Variants in PKIG observed in about 807,000 individuals in gnomAD.
The protein encoded by PKIG is protein kinase (cAMP-dependent, catalytic) inhibitor gamma.
In PKIG, 1 loss-of-function variant was observed where a neutral mutation model predicts 6.8. The ratio of observed to expected loss-of-function variants is 0.15; its 90% CI spans 0.05 to 0.69. The LOEUF (loss-of-function observed/expected upper bound fraction) is 0.69. Ranked by LOEUF, PKIG falls within the 30% of genes least tolerant of loss-of-function variation. The probability of loss-of-function intolerance (pLI) is 0.82; values close to 1 mark genes in which losing one functional copy is unlikely to be tolerated. For synonymous variants in PKIG, 39 were observed against 43.0 expected, an observed-to-expected ratio of 0.91 and a Z score of 0.36; for missense variants, 77 against 104.0, an observed-to-expected ratio of 0.74 and a Z score of 1.13.
At chr20:44,578,150 T>C (rs543683900), upstream of PKIG, among the ~76,000 whole-genome samples, 2 of 151,522 alleles carry the variant, frequency 1.3e-5, no homozygotes, top group East Asian at 2.0e-4. Context: ...ACCATCCTGG[T>C]TAACACGGTG....
chr20:44,595,265 T>G (rs1170275615), intron 2 of PKIG, among the ~76,000 whole-genome samples: 1 of 152,218 alleles, frequency 6.6e-6, no homozygotes, highest in African/African-American at 2.4e-5. Context: ...GTAGCTTCCC[T>G]CAAACTCTCA....
intron 1 of PKIG, among the ~76,000 whole-genome samples, chr20:44,562,751 A>C (rs1338026735): frequency 6.6e-6 from 1 of 152,194 alleles, no homozygotes; most frequent in Non-Finnish European, 1.5e-5. Context: ...TTTATTAGTA[A>C]TATAACTATT....
Position 44,618,153 on chromosome 20 carries a change from G to GTCCAGC in PKIG, c.152-123_152-118dup. 3 of 644,594 alleles carry GTCCAGC rather than the reference G, an allele frequency of 4.7e-6. 1 individual carries two copies. In the South Asian group the frequency reaches 5.1e-5, roughly 11 times the overall value. The allele number at this position is 644,594 out of a possible 1,614,324, so 39.9% of individuals were successfully genotyped here. On this transcript the variant is annotated intron_variant, in intron 3 of 3. Coordinates refer to ENST00000372886, the MANE Select transcript of PKIG (RefSeq NM_001281445.2). ...AAGTCCATAGGCCACCACCACCTCAGTCCAGCTCCAGCTCGTCTTGCTCCC... is the reference window on the plus strand; with the variant it reads ...AAGTCCATAGGCCACCACCACCTCAGTCCAGCTCCAGCTCCAGCTCGTCTTGCTCCC...
intron 1 of PKIG, among the ~76,000 whole-genome samples, chr20:44,540,756 A>G (rs1388667354): frequency 1.3e-5 from 2 of 151,768 alleles, no homozygotes; most frequent in Non-Finnish European, 2.9e-5. Context: ...TTTTAAAAAT[A>G]TTTTTAGTAG....
intron 2 of PKIG, among the ~76,000 whole-genome samples, chr20:44,605,186 A>C (rs1014866124): frequency 6.6e-6 from 1 of 152,044 alleles, no homozygotes; most frequent in African/African-American, 2.4e-5. Flanking sequence ...CGGGCGGATC[A>C]CGAGGCCAGG....
chr20:44,554,937 TTTTTC>T (rs1159025675), intron 1 of PKIG, among the ~76,000 whole-genome samples: 1 of 152,188 alleles, frequency 6.6e-6, no homozygotes, highest in Non-Finnish European at 1.5e-5. Context: ...AATGTGACAT[TTTTTC>T]TTTTCTGAGA....
chr20:44,594,571 A>G (rs762849151), intron 2 of PKIG, among the ~76,000 whole-genome samples: 35 of 152,226 alleles, frequency 2.3e-4, no homozygotes, highest in Non-Finnish European at 3.4e-4. Flanking sequence ...CAGAGATGTT[A>G]AGTGATTTGC....
At position 44,546,954 on chromosome 20, in the gene PKIG, C is replaced by G. The variant is rs1342682404; in HGVS notation, c.-241+14976C>G. On this transcript the variant is annotated intron_variant, in intron 1 of 4. Transcript: ENST00000372887. ...ATTTCTTTTTCCAAATCACATAGCACTTCAAACTTTTCTTTTTATAACATT... is the reference window on the plus strand; with the variant it reads ...ATTTCTTTTTCCAAATCACATAGCAGTTCAAACTTTTCTTTTTATAACATT... 3.3e-5 allele frequency among the ~76,000 whole-genome samples: 5 copies of G among 152,324 alleles called. No homozygotes were observed. In the South Asian group the frequency reaches 6.2e-4, roughly 19 times the overall value.
At chr20:44,551,028 T>C (rs1600844702) in intron 1 of PKIG, among the ~76,000 whole-genome samples, 1 of 152,164 alleles carries the variant, frequency 6.6e-6, no homozygotes, top group African/African-American at 2.4e-5. Context: ...TTATGGACAT[T>C]ATAATTCACT....
chr20:44,577,668 G>C (rs1426198517), upstream of PKIG, among the ~76,000 whole-genome samples: 1 of 152,108 alleles, frequency 6.6e-6, no homozygotes, highest in East Asian at 1.9e-4. Context: ...CCTTCTAACT[G>C]CATGGCACAG....
intron 2 of PKIG, among the ~76,000 whole-genome samples, chr20:44,609,069 C>G (rs2065191515): frequency 6.6e-6 from 1 of 152,092 alleles, no homozygotes; most frequent in South Asian, 2.1e-4. Context: ...GCTGTTGACT[C>G]TAAAGATGAG....
intron 1 of PKIG, among the ~76,000 whole-genome samples, chr20:44,542,133 C>G (rs12479763): frequency 0.027 from 4,055 of 152,206 alleles, 197 homozygotes; most frequent in Admixed American, 0.14. Context: ...TCTCTGTTAG[C>G]CAATCCTTAG....
At chr20:44,560,987 A>G (rs1190091608) in intron 1 of PKIG, among the ~76,000 whole-genome samples, 2 of 152,264 alleles carry the variant, frequency 1.3e-5, no homozygotes, top group African/African-American at 4.8e-5. Context: ...GGAATTTCAG[A>G]TGCAGAATGT....
chr20:44,607,943 G>A (rs1227583421), intron 2 of PKIG, among the ~76,000 whole-genome samples: 4 of 139,572 alleles, frequency 2.9e-5, no homozygotes, highest in South Asian at 2.6e-4. Flanking sequence ...ACCCCCCGCC[G>A]CCTCGGCCTC....
intron 1 of PKIG, among the ~76,000 whole-genome samples, chr20:44,548,956 C>T (rs970062290): frequency 1.3e-5 from 2 of 151,538 alleles, no homozygotes; most frequent in East Asian, 3.9e-4. Flanking sequence ...AATGAAATAT[C>T]CCTGATGGTT....
At chr20:44,588,570 G>A (rs2065009353) in intron 1 of PKIG, among the ~76,000 whole-genome samples, 1 of 152,170 alleles carries the variant, frequency 6.6e-6, no homozygotes, top group Non-Finnish European at 1.5e-5. Context: ...CTTAAACTTG[G>A]GAGGCAGAGG....
At chr20:44,575,712 C>G (rs1201669507) in intron 1 of PKIG, among the ~76,000 whole-genome samples, 1 of 152,126 alleles carries the variant, frequency 6.6e-6, no homozygotes, top group South Asian at 2.1e-4. Context: ...TAGAAGCCCT[C>G]GATCAATCCT....
At chr20:44,612,252 G>C (rs539344901) in intron 2 of PKIG, among the ~76,000 whole-genome samples, 2 of 152,086 alleles carry the variant, frequency 1.3e-5, no homozygotes, top group Admixed American at 6.5e-5. Flanking sequence ...TAATTCACGC[G>C]ATGCCTAACC....
At chr20:44,559,723 A>G (rs950214773) in intron 1 of PKIG, among the ~76,000 whole-genome samples, 4 of 152,248 alleles carry the variant, frequency 2.6e-5, no homozygotes, top group African/African-American at 9.6e-5. Flanking sequence ...TTGTATAAAC[A>G]TGCCATAATT....
Sources: gnomAD v4.1 joint callset for allele counts (sites outside exome capture counted in the v4.1 genomes callset) on GRCh38, gnomAD v4.1.1 for gene constraint, MANE v1.5 for transcripts, NCBI Gene and HGNC (gene_info 2026-07-23, HGNC 2026-07-21) for gene names.